DPP10: variants seen among roughly 807,000 people sequenced by gnomAD.
DPP10 encodes inactive dipeptidyl peptidase 10.
Under a neutral mutation model 120.9 loss-of-function variants are expected in DPP10, and 33 were observed. The ratio of observed to expected loss-of-function variants is 0.27; its 90% CI spans 0.21 to 0.37. DPP10 has a LOEUF of 0.37. DPP10 is among the 10% of genes least tolerant of loss of function. DPP10 has a pLI of 1.00. For missense variants in DPP10, 816 were observed against 942.8 expected (o/e 0.87, Z 1.76); for synonymous variants, 337 against 326.1 (o/e 1.03, Z -0.36).
intron 1 of DPP10, among the ~76,000 whole-genome samples, chr2:115,252,549 T>A (rs967467543): frequency 1.3e-5 from 2 of 152,180 alleles, no homozygotes; most frequent in African/African-American, 4.8e-5. Flanking sequence ...TCTTCACATA[T>A]GATTAATTAT....
intron 1 of DPP10, among the ~76,000 whole-genome samples, chr2:114,862,367 G>A (rs1386450853): frequency 6.6e-6 from 1 of 152,050 alleles, no homozygotes; most frequent in Non-Finnish European, 1.5e-5. Context: ...ATTGCATTTT[G>A]CTATTTCCTT....
intron 1 of DPP10, among the ~76,000 whole-genome samples, chr2:114,845,504 T>A (rs958858984): frequency 2.0e-5 from 3 of 152,096 alleles, no homozygotes; most frequent in Non-Finnish European, 4.4e-5. Context: ...TACAACCCAA[T>A]GCATACAGAA....
intron 1 of DPP10, among the ~76,000 whole-genome samples, chr2:114,597,655 C>T (rs1692027957): frequency 6.6e-6 from 1 of 151,972 alleles, no homozygotes; most frequent in Non-Finnish European, 1.5e-5. Context: ...CCATGAATCC[C>T]ACTTTCCTTG....
rs57949808 is a variant in DPP10 at position 115,680,129 on chromosome 2, G to C, written c.442-9558G>C. 3.0e-3 allele frequency among the ~76,000 whole-genome samples: 456 copies of C among 151,872 alleles called. 4 individuals are homozygous for C. The highest frequency in any genetic ancestry group is 0.011 in the African/African-American group (444 of 41,492). ...TTCCCCAAAATATGTACAATTTTAT[G>C]TCACTCAAAAATTTTAAAATTTTCT... On this transcript the variant is annotated intron_variant, in intron 5 of 25. Transcript: ENST00000410059.
chr2:115,048,123 A>T (rs1345288407), intron 1 of DPP10, among the ~76,000 whole-genome samples: 1 of 152,108 alleles, frequency 6.6e-6, no homozygotes, highest in African/African-American at 2.4e-5. Flanking sequence ...ATTATATTGG[A>T]TACAGTGCCA....
At chr2:114,865,027 C>T (rs1690114913) in intron 1 of DPP10, among the ~76,000 whole-genome samples, 1 of 152,132 alleles carries the variant, frequency 6.6e-6, no homozygotes, top group South Asian at 2.1e-4. Flanking sequence ...AGTAACTCAC[C>T]TAGATTTGAA....
intron 1 of DPP10, among the ~76,000 whole-genome samples, chr2:114,872,414 T>C (rs149875196): frequency 7.9e-5 from 12 of 152,190 alleles, no homozygotes; most frequent in African/African-American, 2.6e-4. Context: ...AACACGTGGG[T>C]ATTACAATTT....
At chr2:114,641,512 C>T (rs536301796) in intron 1 of DPP10, among the ~76,000 whole-genome samples, 1 of 152,054 alleles carries the variant, frequency 6.6e-6, no homozygotes, top group Admixed American at 6.5e-5. Flanking sequence ...TGAGCACTGC[C>T]TTTACGTATG....
At chr2:114,577,321 T>TTTTG (rs370218153) in intron 1 of DPP10, among the ~76,000 whole-genome samples, 5 of 152,186 alleles carry the variant, frequency 3.3e-5, no homozygotes, top group East Asian at 3.9e-4. Context: ...CCAACCTCGC[T>TTTTG]TTTGTTTGTT....
chr2:115,434,385 C>A (rs2071283738), intron 3 of DPP10, among the ~76,000 whole-genome samples: 1 of 151,864 alleles, frequency 6.6e-6, no homozygotes, highest in Non-Finnish European at 1.5e-5. Context: ...TGAATTGGGT[C>A]CTGGCAATAC....
intron 1 of DPP10, among the ~76,000 whole-genome samples, chr2:115,212,868 T>C (rs1162769050): frequency 6.6e-6 from 1 of 152,128 alleles, no homozygotes; most frequent in South Asian, 2.1e-4. Context: ...TATTTCACTT[T>C]GAGAAATGCA....
At chr2:115,027,787 T>A (rs944092869) in intron 1 of DPP10, among the ~76,000 whole-genome samples, 2 of 152,132 alleles carry the variant, frequency 1.3e-5, no homozygotes, top group South Asian at 4.1e-4. Flanking sequence ...TTCAATCTTG[T>A]TACTCATTAT....
intron 1 of DPP10, among the ~76,000 whole-genome samples, chr2:114,805,357 C>T (rs1047264353): frequency 1.3e-5 from 2 of 152,168 alleles, no homozygotes; most frequent in Non-Finnish European, 2.9e-5. Context: ...CCTTTGGACA[C>T]ACGAGTGCTC....
intron 1 of DPP10, among the ~76,000 whole-genome samples, chr2:115,247,885 C>T (rs2058601991): frequency 6.6e-6 from 1 of 152,134 alleles, no homozygotes; most frequent in Admixed American, 6.6e-5. Context: ...TTCCAACTAG[C>T]TAATGGTGGC....
chr2:115,151,395 T>G (rs1483154642), intron 1 of DPP10, among the ~76,000 whole-genome samples: 1 of 151,192 alleles, frequency 6.6e-6, no homozygotes, highest in East Asian at 1.9e-4. Flanking sequence ...TTTTTAAATT[T>G]CAGGATTACT....
At chr2:115,376,624 A>C (rs1047821923) in intron 3 of DPP10, among the ~76,000 whole-genome samples, 1 of 151,426 alleles carries the variant, frequency 6.6e-6, no homozygotes, top group Non-Finnish European at 1.5e-5. Flanking sequence ...AGATGTATAC[A>C]TGTGCCATGC....
At chr2:115,126,144 G>A (rs2050072791) in intron 1 of DPP10, among the ~76,000 whole-genome samples, 1 of 152,000 alleles carries the variant, frequency 6.6e-6, no homozygotes, top group Non-Finnish European at 1.5e-5. Flanking sequence ...TTTGAGACAG[G>A]GCCTCACTCT....
intron 21 of DPP10, among the ~76,000 whole-genome samples, chr2:115,817,947 A>C (rs1687434099): frequency 6.6e-6 from 1 of 152,172 alleles, no homozygotes; most frequent in Non-Finnish European, 1.5e-5. Flanking sequence ...GAAAAAGGGA[A>C]GCTGGTTTTT....
chr2:115,246,840 G>A (rs2058557330), intron 1 of DPP10, among the ~76,000 whole-genome samples: 1 of 152,238 alleles, frequency 6.6e-6, no homozygotes, highest in East Asian at 1.9e-4. Context: ...ACATCTTGAA[G>A]AGGGTTGAAG....
Sources: allele counts gnomAD v4.1 joint callset (sites outside exome capture counted in the v4.1 genomes callset), GRCh38; gene constraint gnomAD v4.1.1; transcripts MANE v1.5; gene names NCBI Gene and HGNC (gene_info 2026-07-23, HGNC 2026-07-21).